The following STYK1 variants were observed in gnomAD, a reference collection of about 807,000 sequenced individuals.
STYK1 encodes the protein tyrosine-protein kinase STYK1.
In STYK1, 46 loss-of-function variants were observed where a neutral mutation model predicts 48.1. The ratio of observed to expected loss-of-function variants is 0.96; its 90% confidence interval spans 0.75 to 1.22. The LOEUF (loss-of-function observed/expected upper bound fraction) is 1.22. STYK1 is among the 50% of genes most tolerant of loss of function. The pLI is 0.00. For missense variants in STYK1, 527 were observed against 521.1 expected (o/e 1.01, Z -0.11); for synonymous variants, 188 against 189.0 (o/e 0.99, Z 0.04).
Position 10,634,125 on chromosome 12 carries a change from C to G in STYK1, c.53-1G>C. Reference sequence around the variant, plus strand: ...ACTTCATACTGCTTCTCCTGGATGACTGGGTAGGCGATCACACAGGAAGAG... The same window carrying G: ...ACTTCATACTGCTTCTCCTGGATGAGTGGGTAGGCGATCACACAGGAAGAG... On this transcript the variant is annotated splice_acceptor_variant, in intron 3 of 10. Transcript: ENST00000075503. LOFTEE classifies it high-confidence loss of function. 2 of 1,604,910 alleles carry G rather than the reference C, an allele frequency of 1.2e-6. No individual in the cohort carries two copies. The highest frequency in any genetic ancestry group is 1.7e-6 in the Non-Finnish European group (2 of 1,177,748).
intron 1 of STYK1, among the ~76,000 whole-genome samples, chr12:10,642,372 A>T (rs1431057484): frequency 6.6e-6 from 1 of 152,170 alleles, no homozygotes; most frequent in Non-Finnish European, 1.5e-5. Context: ...GTGTTTTCCC[A>T]TATGTAAAGT....
At chr12:10,640,633 C>G (rs892347163) in intron 1 of STYK1, 1 of 152,178 alleles carries the variant, frequency 6.6e-6, no homozygotes, top group African/African-American at 2.4e-5. Flanking sequence ...GAGTCCTGCG[C>G]CTGTTTCAAC....
At chr12:10,635,187 C>A (rs866320718) in intron 2 of STYK1, among the ~76,000 whole-genome samples, 2 of 152,176 alleles carry the variant, frequency 1.3e-5, no homozygotes, top group African/African-American at 4.8e-5. Context: ...TGTGATCATG[C>A]ATGGCTCATT....
intron 4 of STYK1, among the ~76,000 whole-genome samples, chr12:10,632,121 GCAGGAGGATCTCCTGAGCC>G (rs1378957983): frequency 6.6e-6 from 1 of 151,864 alleles, no homozygotes; most frequent in East Asian, 1.9e-4. Context: ...GGAGGCCAAA[GCAGGAGGATCTCCTGAGCC>G]CAGGAGATCC....
At chr12:10,646,871 T>C (rs1947605733) in intron 1 of STYK1, among the ~76,000 whole-genome samples, 1 of 152,208 alleles carries the variant, frequency 6.6e-6, no homozygotes, top group South Asian at 2.1e-4. Context: ...GGCTGTTGCT[T>C]CAGAGAGTGA....
In STYK1 at chr12:10,670,149, T is replaced by C. The variant is rs1270571861; in HGVS notation, c.-195+3817A>G. Among the ~76,000 whole-genome samples, 4 of 152,270 alleles carry C rather than the reference T, an allele frequency of 2.6e-5. No homozygotes were observed. The East Asian group carries it at 7.7e-4, about 29-fold the overall frequency. The stretch of plus-strand genomic sequence containing the variant: ...GTATACATCCAATAGTGATCTGACT[T>C]TTGTATATAATGTTCTTTATTCAGT... On this transcript the variant is annotated intron_variant, in intron 1 of 10. Transcript: ENST00000075503.
intron 1 of STYK1, among the ~76,000 whole-genome samples, chr12:10,638,472 T>C (rs541856618): frequency 7.0e-4 from 106 of 152,308 alleles, no homozygotes; most frequent in Admixed American, 2.7e-3. Flanking sequence ...AAGACTATAG[T>C]CTGAAGACCA....
At chr12:10,665,576 T>C (rs1408032364) in intron 1 of STYK1, among the ~76,000 whole-genome samples, 1 of 152,150 alleles carries the variant, frequency 6.6e-6, no homozygotes, top group Non-Finnish European at 1.5e-5. Context: ...TTTGTAGGGA[T>C]GAGAACCAGG....
chr12:10,634,546 A>T (rs755897650), intron 3 of STYK1, 21 bp downstream of exon 3: 14 of 1,610,948 alleles, frequency 8.7e-6, no homozygotes, highest in Non-Finnish European at 1.0e-5. Context: ...GAGGATAGAC[A>T]TCTGTGGAAT....
In STYK1 at chr12:10,629,538, A is replaced by T. The variant is rs1208783485; in HGVS notation, c.588T>A (p.Asp196Glu). ...EKLPLYMVLE[D>E]VAQGDLLSFL... ...AGCTGAGCAGGTCCCCCTGGGCCAC[A>T]TCCTCCAACACCATATAGAGTGGCA... The change falls in exon 6 of 11, where the codon GAT becomes GAA. Residue 196 changes from aspartate (D) to glutamate (E), a missense_variant. Coordinates refer to ENST00000075503, the MANE Select transcript of STYK1 (RefSeq NM_018423.3). The T allele has an allele frequency of 6.2e-7, 1 of 1,614,174 alleles. No homozygotes were observed. The highest frequency in any genetic ancestry group is 8.5e-7 in the Non-Finnish European group (1 of 1,180,030).
At chr12:10,673,362 G>T (rs1323498206) in intron 1 of STYK1, among the ~76,000 whole-genome samples, 1 of 151,918 alleles carries the variant, frequency 6.6e-6, no homozygotes, top group African/African-American at 2.4e-5. Context: ...GAGTGACAGA[G>T]CAAGACTCCC....
At chr12:10,639,705 T>A (rs1256949929) in intron 1 of STYK1, among the ~76,000 whole-genome samples, 1 of 152,218 alleles carries the variant, frequency 6.6e-6, no homozygotes, top group African/African-American at 2.4e-5. Context: ...TGAGCCACTG[T>A]ACCCCACCAA....
chr12:10,645,220 T>C (rs1947586169), intron 1 of STYK1, among the ~76,000 whole-genome samples: 2 of 152,148 alleles, frequency 1.3e-5, no homozygotes, highest in Admixed American at 1.3e-4. Context: ...TCACCCATCA[T>C]AGAAAGAATA....
chr12:10,646,872 CAG>C (rs1947605807), intron 1 of STYK1, among the ~76,000 whole-genome samples: 1 of 152,216 alleles, frequency 6.6e-6, no homozygotes, highest in African/African-American at 2.4e-5. Flanking sequence ...GCTGTTGCTT[CAG>C]AGAGTGAAAG....
chr12:10,622,612 C>A, intron 9 of STYK1, 26 bp downstream of exon 9: 1 of 1,613,624 alleles, frequency 6.2e-7, no homozygotes, highest in Non-Finnish European at 8.5e-7. Flanking sequence ...CATACAGGTA[C>A]ACACTATTTT....
At chr12:10,661,875 T>C (rs1206203992) in intron 1 of STYK1, among the ~76,000 whole-genome samples, 1 of 152,238 alleles carries the variant, frequency 6.6e-6, no homozygotes, top group Admixed American at 6.5e-5. Context: ...ATAATTCATA[T>C]ACCATAAAAT....
rs145545938 is a variant in STYK1 at position 10,622,061 on chromosome 12, T to C, written c.968-89A>G. ...TTCTTCATCCACTTGGGTTGGTTGCTTGCAAAAGATATAGCCATAGGAAAA... is the reference window on the plus strand; with the variant it reads ...TTCTTCATCCACTTGGGTTGGTTGCCTGCAAAAGATATAGCCATAGGAAAA... On this transcript the variant is annotated intron_variant, in intron 9 of 10. Coordinates refer to ENST00000075503, the MANE Select transcript of STYK1 (RefSeq NM_018423.3). 479 of 1,120,664 alleles carry C rather than the reference T, an allele frequency of 4.3e-4. 2 individuals carry two copies. The African/African-American group carries it at 6.9e-3, about 16-fold the overall frequency. 69.4% of individuals were successfully genotyped at this position (1,120,664 alleles called of 1,614,324 possible).
At chr12:10,656,346 G>T (rs1199595547) in intron 1 of STYK1, among the ~76,000 whole-genome samples, 1 of 152,188 alleles carries the variant, frequency 6.6e-6, no homozygotes, top group Admixed American at 6.5e-5. Context: ...TGAATACAGG[G>T]CTGAGTGCGG....
chr12:10,620,468 C>A, intron 10 of STYK1, 120 bp from the exon 11 acceptor site: 1 of 882,184 alleles, frequency 1.1e-6, no homozygotes, highest in East Asian at 2.5e-5. Flanking sequence ...TTCTGTTTGC[C>A]CTGTTACTCA....
Sources: allele counts gnomAD v4.1 joint callset (sites outside exome capture counted in the v4.1 genomes callset), GRCh38; gene constraint gnomAD v4.1.1; transcripts MANE v1.5; gene names NCBI Gene and HGNC (gene_info 2026-07-23, HGNC 2026-07-21).